The following KIAA1549L variants were observed in gnomAD, a reference collection of about 807,000 sequenced individuals.
KIAA1549L encodes KIAA1549 like, also known as UPF0606 protein KIAA1549L.
Under a neutral mutation model 160.7 loss-of-function variants are expected in KIAA1549L, and 88 were observed. The observed-to-expected ratio is 0.55, with a 90% CI of 0.46 to 0.65. The LOEUF is 0.65. Ranked by LOEUF, KIAA1549L falls within the 30% of genes least tolerant of loss-of-function variation. The pLI is 0.00. For missense variants in KIAA1549L, 2,258 were observed against 2,437.5 expected, an observed-to-expected ratio of 0.93 and a Z score of 1.55; for synonymous variants, 950 against 976.7, an observed-to-expected ratio of 0.97 and a Z score of 0.51.
At chr11:33,512,715 CCGGCCCCTG>C (rs1853255499) in intron 1 of KIAA1549L, among the ~76,000 whole-genome samples, 2 of 152,194 alleles carry the variant, frequency 1.3e-5, no homozygotes, top group Non-Finnish European at 2.9e-5. Flanking sequence ...GCCATTGCGC[CCGGCCCCTG>C]CTCTAGGTAA....
intron 1 of KIAA1549L, among the ~76,000 whole-genome samples, chr11:33,434,072 G>GC (rs202097520): frequency 9.7e-4 from 144 of 147,894 alleles, no homozygotes; most frequent in Middle Eastern, 3.5e-3. Context: ...AAGAAATAAA[G>GC]CCCCCCCCGC....
intron 16 of KIAA1549L, among the ~76,000 whole-genome samples, chr11:33,629,783 C>G (rs1473539828): frequency 6.6e-6 from 1 of 150,826 alleles, no homozygotes; most frequent in African/African-American, 2.5e-5. Flanking sequence ...CTTCTTCTCT[C>G]AGCTCGTCAA....
rs370329923 is a variant in KIAA1549L at position 33,660,436 on chromosome 11, G to A, written c.6008-427G>A. ...AAAAATTAGCCAGGCACAGTGGCAG[G>A]CGCTTGTAGTTCCAGTTACTCAGGA... On this transcript the variant is annotated intron_variant, in intron 19 of 20. Coordinates refer to ENST00000658780, the MANE Select transcript of KIAA1549L (RefSeq NM_012194.3). Among the ~76,000 whole-genome samples, 5 of 152,290 alleles carry A rather than the reference G, an allele frequency of 3.3e-5. No homozygotes were observed. In the South Asian group the frequency reaches 1.0e-3, roughly 32 times the overall value.
intron 1 of KIAA1549L, among the ~76,000 whole-genome samples, chr11:33,525,021 A>C (rs887909390): frequency 2.6e-5 from 4 of 152,204 alleles, no homozygotes; most frequent in Non-Finnish European, 5.9e-5. Flanking sequence ...GAAAAAGTTG[A>C]CCAGATTTTT....
chr11:33,468,887 T>G (rs1852116865), intron 1 of KIAA1549L, among the ~76,000 whole-genome samples: 1 of 152,070 alleles, frequency 6.6e-6, no homozygotes, highest in Non-Finnish European at 1.5e-5. Context: ...CATCAACAAA[T>G]AGTTTCAAAA....
chr11:33,612,619 C>A (rs1350797066), intron 15 of KIAA1549L, among the ~76,000 whole-genome samples: 4 of 139,250 alleles, frequency 2.9e-5, no homozygotes, highest in Non-Finnish European at 6.3e-5. Flanking sequence ...TTTTTCTTTT[C>A]TTTTAGGTTT....
chr11:33,542,542 G>A lies in KIAA1549L; in HGVS notation c.979G>A (p.Glu327Lys), dbSNP rs373190609. The A allele has an allele frequency of 7.4e-6, 12 of 1,613,762 alleles. No individual in the cohort carries two copies. The African/African-American group carries it at 9.3e-5, about 13-fold the overall frequency. The change falls in exon 2 of 21, where the codon GAG becomes AAG. Residue 327 changes from glutamate to lysine, a missense_variant. By Grantham distance (56) the Glu-to-Lys change is moderately conservative. This residue lies in a region of KIAA1549L where 540 missense variants were observed against 465.7 expected (regional missense o/e 1.16). Transcript: ENST00000658780. Reference sequence around the variant, plus strand: ...TGGATCCTCAACAAAATGGCATTCCGAGCTGTCCCCAACAGAGGGTCCCCA... The same window carrying A: ...TGGATCCTCAACAAAATGGCATTCCAAGCTGTCCCCAACAGAGGGTCCCCA... ...VSGSSTKWHSELSPTEGPHSA... is the reference protein window; with the variant it reads ...VSGSSTKWHSKLSPTEGPHSA...
intron 18 of KIAA1549L, among the ~76,000 whole-genome samples, chr11:33,656,672 C>T (rs1385075308): frequency 1.3e-5 from 2 of 152,192 alleles, no homozygotes; most frequent in Non-Finnish European, 2.9e-5. Flanking sequence ...CTGGGAAAGG[C>T]TAGAACTGTG....
At position 33,552,150 on chromosome 11, in the gene KIAA1549L, A is replaced by G. The variant is rs774324291; in HGVS notation, c.3764A>G (p.Lys1255Arg). The part of the protein sequence containing the change: ...VSQADNIQSC[K>R]FAQTMEQRLQ... ...CAAGCGGACAACATACAGTCCTGCA[A>G]GTTTGCTCAGACAATGGAACAGAGG... The change falls in exon 6 of 21, where the codon AAG becomes AGG. Residue 1255 changes from lysine to arginine, a missense_variant. Physicochemically the swap from Lys to Arg is conservative, Grantham distance 26 (BLOSUM62 2). Around this residue, in one of 6 missense-constraint regions of KIAA1549L, gnomAD observed 1,359 missense variants for 1,546.6 expected, o/e 0.88. Coordinates refer to ENST00000658780, the MANE Select transcript of KIAA1549L (RefSeq NM_012194.3). The G allele has an allele frequency of 9.3e-6, 15 of 1,613,186 alleles. No homozygotes were observed. In the East Asian group the frequency reaches 2.7e-4, roughly 29 times the overall value.
intron 1 of KIAA1549L, among the ~76,000 whole-genome samples, chr11:33,381,332 G>A (rs1157878919): frequency 2.0e-5 from 3 of 152,162 alleles, no homozygotes; most frequent in Non-Finnish European, 4.4e-5. Flanking sequence ...TCTAGATGGA[G>A]TGGTGAGAGG....
intron 1 of KIAA1549L, among the ~76,000 whole-genome samples, chr11:33,523,441 T>C (rs1853543138): frequency 6.6e-6 from 1 of 152,242 alleles, no homozygotes; most frequent in African/African-American, 2.4e-5. Context: ...ACATATGTCT[T>C]GACATGATTA....
chr11:33,658,034 G>A (rs1852127630), intron 18 of KIAA1549L, among the ~76,000 whole-genome samples: 1 of 152,210 alleles, frequency 6.6e-6, no homozygotes. Flanking sequence ...TGATGCTTGT[G>A]AAGGAAAATG....
intron 1 of KIAA1549L, among the ~76,000 whole-genome samples, chr11:33,520,779 G>A (rs1853473165): frequency 7.3e-6 from 1 of 136,706 alleles, no homozygotes. Flanking sequence ...GTTTTTTCTT[G>A]TTTTGTCTTG....
intron 1 of KIAA1549L, among the ~76,000 whole-genome samples, chr11:33,423,160 G>A (rs892968295): frequency 6.6e-5 from 10 of 152,074 alleles, no homozygotes; most frequent in Non-Finnish European, 1.2e-4. Flanking sequence ...CAACTTTTTT[G>A]CACAAAAATA....
chr11:33,574,172 A>G lies in KIAA1549L; in HGVS notation c.4231-530A>G, dbSNP rs188059914. 6.4e-3 allele frequency among the ~76,000 whole-genome samples: 971 copies of G among 151,912 alleles called. 4 individuals are homozygous for G. Among genetic ancestry groups the G allele is most frequent in the Non-Finnish European group, 0.011 (779 of 67,966 alleles). The stretch of plus-strand genomic sequence containing the variant: ...TTCTTGATGTTTTTCCATATTTTCA[A>G]ATTTTCCTATAGTGAATATGTATAA... On this transcript the variant is annotated intron_variant, in intron 9 of 20. Coordinates refer to ENST00000658780, the MANE Select transcript of KIAA1549L (RefSeq NM_012194.3).
intron 16 of KIAA1549L, among the ~76,000 whole-genome samples, chr11:33,623,655 A>G (rs559593187): frequency 4.6e-5 from 7 of 152,284 alleles, no homozygotes; most frequent in African/African-American, 1.2e-4. Context: ...CTGCCCAGAA[A>G]GACACTTATC....
rs540574911 is a variant in KIAA1549L, at chr11:33,595,291, A to T, written c.4752-3529A>T. Among the ~76,000 whole-genome samples the T allele has an allele frequency of 1.1e-4, 16 of 152,202 alleles. 1 individual carries two copies. Among genetic ancestry groups the T allele is most frequent in the Non-Finnish European group, 2.1e-4 (14 of 68,028 alleles). On this transcript the variant is annotated intron_variant, in intron 12 of 20. Transcript: ENST00000658780. The stretch of plus-strand genomic sequence containing the variant: ...GCCCAGGCTGTAGTGCAGTGGCAAG[A>T]TCTCAGCTCACTGCAACCTCTGCCT...
At chr11:33,603,411 A>G (rs186655510) in intron 13 of KIAA1549L, among the ~76,000 whole-genome samples, 73 of 152,218 alleles carry the variant, frequency 4.8e-4, no homozygotes, top group African/African-American at 1.7e-3. Context: ...TTGAAAAGCA[A>G]GAGAGAACTG....
chr11:33,546,078 C>G (rs547360143), intron 3 of KIAA1549L, among the ~76,000 whole-genome samples: 1 of 152,032 alleles, frequency 6.6e-6, no homozygotes, highest in Non-Finnish European at 1.5e-5. Context: ...GCAAAGCAGG[C>G]CTAGAATGCA....
Sources: gnomAD v4.1 joint callset for allele counts (sites outside exome capture counted in the v4.1 genomes callset) on GRCh38, gnomAD v4.1.1 for gene constraint, gnomAD v4.1.1 regional missense constraint, MANE v1.5 for transcripts, NCBI Gene and HGNC (gene_info 2026-07-23, HGNC 2026-07-21) for gene names.